PPP1R13B: variants seen among roughly 807,000 people sequenced by gnomAD.
The protein encoded by PPP1R13B is apoptosis-stimulating of p53 protein 1.
A neutral mutation model predicts 119.8 loss-of-function variants in PPP1R13B; 44 were observed. The ratio of observed to expected loss-of-function variants is 0.37; its 90% confidence interval spans 0.29 to 0.47. The LOEUF (loss-of-function observed/expected upper bound fraction) is 0.47. Among genes scored for constraint, PPP1R13B ranks in the 20% least tolerant of loss-of-function variants. The pLI, the probability that PPP1R13B is intolerant of heterozygous loss-of-function variation, is 0.99. For synonymous variants in PPP1R13B, 542 were observed against 561.5 expected (o/e 0.97, Z 0.49); for missense variants, 1,227 against 1,413.5 (o/e 0.87, Z 2.12).
chr14:103,846,334 G>GT (rs1477086486), intron 1 of PPP1R13B, among the ~76,000 whole-genome samples: 1 of 152,204 alleles, frequency 6.6e-6, no homozygotes, highest in Admixed American at 6.5e-5. Flanking sequence ...ATGTCCTTGG[G>GT]TGCAGCATAG....
chr14:103,735,853 T>C (rs2084094821), intron 16 of PPP1R13B, 150 bp downstream of exon 16: 4 of 850,292 alleles, frequency 4.7e-6, no homozygotes, highest in Non-Finnish European at 5.5e-6. Flanking sequence ...TCATGCCAGC[T>C]CTGCCAAGTA....
At chr14:103,747,129 A>G (rs959996776) in intron 8 of PPP1R13B, 1 of 152,342 alleles carries the variant, frequency 6.6e-6, no homozygotes, top group Non-Finnish European at 1.5e-5. Context: ...GACAGAGGAC[A>G]CTGTTCACAT....
chr14:103,814,205 C>T (rs8011745), intron 1 of PPP1R13B, among the ~76,000 whole-genome samples: 4,633 of 152,068 alleles, frequency 0.03, 207 homozygotes, highest in African/African-American at 0.098. Flanking sequence ...AAATATTAGC[C>T]GGGCATGGTG....
chr14:103,782,930 G>C (rs188873847), intron 3 of PPP1R13B, among the ~76,000 whole-genome samples: 5 of 151,604 alleles, frequency 3.3e-5, no homozygotes, highest in African/African-American at 1.2e-4. Flanking sequence ...TCGGCCCCCC[G>C]AGTAGCTGGG....
At chr14:103,750,145 G>C (rs925184174) in intron 7 of PPP1R13B, among the ~76,000 whole-genome samples, 1 of 152,176 alleles carries the variant, frequency 6.6e-6, no homozygotes, top group Non-Finnish European at 1.5e-5. Flanking sequence ...ACATCTGTAA[G>C]CATCTTCTTC....
intron 1 of PPP1R13B, among the ~76,000 whole-genome samples, chr14:103,800,628 C>T (rs764614035): frequency 8.6e-5 from 13 of 151,574 alleles, no homozygotes; most frequent in Non-Finnish European, 1.8e-4. Context: ...TCACTCCAGC[C>T]TGGGCAACAC....
intron 1 of PPP1R13B, 200 bp downstream of exon 1, chr14:103,847,099 G>C: frequency 2.0e-6 from 2 of 986,188 alleles, no homozygotes; most frequent in Non-Finnish European, 2.4e-6. Context: ...AGGCGGCCCC[G>C]GCCCCGCGCT....
intron 12 of PPP1R13B, chr14:103,739,267 G>T: frequency 2.0e-6 from 1 of 501,284 alleles, no homozygotes. Flanking sequence ...AGAGGGACAC[G>T]GCTGTGTTTG....
intron 1 of PPP1R13B, among the ~76,000 whole-genome samples, chr14:103,798,989 G>T (rs190513138): frequency 8.3e-6 from 1 of 119,866 alleles, no homozygotes; most frequent in Non-Finnish European, 1.8e-5. Flanking sequence ...TACACCTGGT[G>T]TTTTTTTGTT....
At chr14:103,815,720 A>G (rs2086262466) in intron 1 of PPP1R13B, among the ~76,000 whole-genome samples, 1 of 152,002 alleles carries the variant, frequency 6.6e-6, no homozygotes, top group Non-Finnish European at 1.5e-5. Context: ...GCACCACTGC[A>G]CTCCAGCCTG....
intron 1 of PPP1R13B, among the ~76,000 whole-genome samples, chr14:103,810,719 C>T (rs576280717): frequency 1.4e-4 from 21 of 151,256 alleles, no homozygotes; most frequent in African/African-American, 5.1e-4. Context: ...TGCAGTGAGC[C>T]GAGATCGCAC....
At chr14:103,839,584 G>A (rs1200644835) in intron 1 of PPP1R13B, among the ~76,000 whole-genome samples, 1 of 149,524 alleles carries the variant, frequency 6.7e-6, no homozygotes, top group Non-Finnish European at 1.5e-5. Flanking sequence ...CCAAGATCAT[G>A]CCACTGCACT....
intron 1 of PPP1R13B, among the ~76,000 whole-genome samples, chr14:103,808,556 C>T (rs1045830840): frequency 1.3e-5 from 2 of 152,206 alleles, no homozygotes; most frequent in Non-Finnish European, 2.9e-5. Context: ...TGGCCCGGTG[C>T]CATGGGTTGG....
At chr14:103,808,794 CTAAA>C (rs1042225567) in intron 1 of PPP1R13B, among the ~76,000 whole-genome samples, 8 of 152,040 alleles carry the variant, frequency 5.3e-5, no homozygotes, top group African/African-American at 1.4e-4. Context: ...AAATTTTTTT[CTAAA>C]TAAATAAGAC....
Position 103,778,818 on chromosome 14 carries a change from C to A in PPP1R13B, c.281G>T (p.Gly94Val). The A allele has an allele frequency of 1.9e-6, 3 of 1,613,304 alleles. No individual in the cohort carries two copies. Among genetic ancestry groups the A allele is most frequent in the South Asian group, 1.1e-5 (1 of 91,016 alleles). The change falls in exon 4 of 17, where the codon GGC becomes GTC. Residue 94 changes from glycine (G) to valine (V), a missense_variant. Transcript: ENST00000202556. ...AGTTCGTTGCTCTTGGGTCTGACGG[C>A]CACCTAAAGAAATAAAAGAACCAAA... is the stretch of plus-strand genomic sequence containing the variant. ...DSPTENSEQG[G>V]RQTQEQRTQR... is the part of the protein sequence containing the mutation.
At chr14:103,756,003 CAT>C (rs2084668541) in intron 5 of PPP1R13B, among the ~76,000 whole-genome samples, 1 of 151,772 alleles carries the variant, frequency 6.6e-6, no homozygotes, top group African/African-American at 2.4e-5. Context: ...ACATTTTAGT[CAT>C]AAAGAAAATC....
In PPP1R13B at chr14:103,742,463, G is replaced by A. The variant is rs74085290; in HGVS notation, c.1321-172C>T. On this transcript the variant is annotated intron_variant, in intron 10 of 16. Transcript: ENST00000202556. The surrounding 1 kb of genome is among the most constrained non-coding windows in gnomAD (Gnocchi z 4.9). ...TTGCCTGTCTGCAAAAGTTCTGACC[G>A]AAAGGTGTGTGTACTCGTGGGCTGC... Among the ~76,000 whole-genome samples, 3,331 of 152,284 alleles carry A rather than the reference G, an allele frequency of 0.022. 112 individuals carry two copies. The highest frequency in any genetic ancestry group is 0.075 in the African/African-American group (3,135 of 41,538).
chr14:103,741,496 G>A (rs988401756), intron 11 of PPP1R13B, among the ~76,000 whole-genome samples: 1 of 152,212 alleles, frequency 6.6e-6, no homozygotes, highest in Non-Finnish European at 1.5e-5. Context: ...AGAAGGAAAA[G>A]AGGAAATTCT....
rs375038026 is a variant in PPP1R13B, at chr14:103,753,178, A to G, written c.650T>C (p.Phe217Ser). 125 of 1,612,014 alleles carry G rather than the reference A, an allele frequency of 7.8e-5. No individual in the cohort carries two copies. The highest frequency in any genetic ancestry group is 9.8e-5 in the Non-Finnish European group (116 of 1,179,818). The change falls in exon 7 of 17, where the codon TTC becomes TCC. Residue 217 changes from phenylalanine to serine, a missense_variant. By Grantham distance (155) the Phe-to-Ser change is radical. Coordinates refer to ENST00000202556, the MANE Select transcript of PPP1R13B (RefSeq NM_015316.3). ...NGNLSAEIER[F>S]SAMFQEKKQE... ...CTTCTTTTCCTGGAACATGGCACTG[A>G]ACCTTTCTATTTCAGCAGCTATAAT...
Sources: gnomAD v4.1 joint callset for allele counts (sites outside exome capture counted in the v4.1 genomes callset) on GRCh38, gnomAD v4.1.1 for gene constraint, Gnocchi (gnomAD v3.1) non-coding constraint, MANE v1.5 for transcripts, NCBI Gene and HGNC (gene_info 2026-07-23, HGNC 2026-07-21) for gene names.